PCDHGA9: variants seen among roughly 807,000 people sequenced by gnomAD.
PCDHGA9 encodes the protein protocadherin gamma-A9.
In PCDHGA9, 37 loss-of-function variants were observed where a neutral mutation model predicts 62.5. The ratio of observed to expected loss-of-function variants is 0.59; its 90% CI spans 0.46 to 0.78. The LOEUF is 0.78. PCDHGA9 is among the 30% of genes least tolerant of loss of function. The pLI is 0.00. For synonymous variants in PCDHGA9, 459 were observed against 484.6 expected, an observed-to-expected ratio of 0.95 and a Z score of 0.69; for missense variants, 1,138 against 1,166.2, an observed-to-expected ratio of 0.98 and a Z score of 0.35.
Position 141,432,248 on chromosome 5 carries a change from C to T in PCDHGA9, c.2424+26872C>T. Reference sequence around the variant, plus strand: ...TTATTCCCTGGCTGAGAACACCATCCAAGGGGCAAGCCTATCGTCCTACGT... The same window carrying T: ...TTATTCCCTGGCTGAGAACACCATCTAAGGGGCAAGCCTATCGTCCTACGT... On this transcript the variant is annotated intron_variant, in intron 1 of 3. Transcript: ENST00000573521. This position sits in a 1 kb window ranked among gnomAD's most constrained non-coding sequence, Gnocchi z 6.0. 1.2e-6 allele frequency: 2 copies of T among 1,614,244 alleles called. No individual in the cohort carries two copies. Among genetic ancestry groups the T allele is most frequent in the South Asian group, 1.1e-5 (1 of 91,090 alleles).
chr5:141,472,465 A>C (rs886879646), intron 1 of PCDHGA9, among the ~76,000 whole-genome samples: 4 of 152,032 alleles, frequency 2.6e-5, no homozygotes, highest in Non-Finnish European at 5.9e-5. Flanking sequence ...GCTTGAACCC[A>C]GAAGGCAGAG....
chr5:141,454,865 TG>T (rs2098805228), intron 1 of PCDHGA9, among the ~76,000 whole-genome samples: 1 of 135,344 alleles, frequency 7.4e-6, no homozygotes, highest in Non-Finnish European at 1.5e-5. Flanking sequence ...TGGAGTGCAG[TG>T]GCACGATCTT....
chr5:141,477,295 G>A lies in PCDHGA9; in HGVS notation c.2425-17512G>A, dbSNP rs1207558247. On this transcript the variant is annotated intron_variant, in intron 1 of 3. Transcript: ENST00000573521. This position sits in a 1 kb window ranked among gnomAD's most constrained non-coding sequence, Gnocchi z 4.9. ...GGCTGGTGACCTGCGAAGTTCCACC[G>A]GGTCTCCCTTTCAGCCTTACTTCTT... is the stretch of plus-strand genomic sequence containing the variant. The A allele has an allele frequency of 8.1e-6, 13 of 1,613,990 alleles. No homozygotes were observed. Among genetic ancestry groups the A allele is most frequent in the Admixed American group, 3.3e-5 (2 of 59,990 alleles).
At chr5:141,407,615 A>T (rs780052436) in intron 1 of PCDHGA9, among the ~76,000 whole-genome samples, 2 of 152,140 alleles carry the variant, frequency 1.3e-5, no homozygotes, top group Non-Finnish European at 2.9e-5. Context: ...GCATTGGTTG[A>T]CATTCTATAT....
intron 1 of PCDHGA9, among the ~76,000 whole-genome samples, chr5:141,459,098 A>G (rs993134478): frequency 2.0e-5 from 3 of 152,206 alleles, no homozygotes; most frequent in African/African-American, 7.2e-5. Flanking sequence ...ATACAGTGCA[A>G]TGCATTTTGA....
intron 1 of PCDHGA9, among the ~76,000 whole-genome samples, chr5:141,457,827 C>T (rs1300495115): frequency 2.0e-5 from 3 of 152,204 alleles, no homozygotes; most frequent in Admixed American, 6.5e-5. Context: ...AAACTCAGAG[C>T]TTCCAGACCT....
At chr5:141,430,557 G>C (rs1161595629) in intron 1 of PCDHGA9, 5 of 412,906 alleles carry the variant, frequency 1.2e-5, no homozygotes, top group Non-Finnish European at 1.7e-5. Context: ...TTCACCAATC[G>C]GGGAGAGAAA....
At chr5:141,461,501 T>G (rs113852528) in intron 1 of PCDHGA9, among the ~76,000 whole-genome samples, 1 of 152,310 alleles carries the variant, frequency 6.6e-6, no homozygotes, top group South Asian at 2.1e-4. Flanking sequence ...TTATTTTTCT[T>G]GGTGATTTGT....
At chr5:141,508,642 T>A (rs893357826) in intron 3 of PCDHGA9, among the ~76,000 whole-genome samples, 13 of 152,070 alleles carry the variant, frequency 8.5e-5, no homozygotes, top group Admixed American at 2.6e-4. Flanking sequence ...AGCTACTCCG[T>A]CAGGCCCTTC....
intron 1 of PCDHGA9, among the ~76,000 whole-genome samples, chr5:141,457,665 G>A (rs2098927092): frequency 6.6e-6 from 1 of 152,330 alleles, no homozygotes; most frequent in Non-Finnish European, 1.5e-5. Flanking sequence ...AGCAAGAATG[G>A]TTATTTCTAC....
chr5:141,416,478 C>T (rs1186938693), intron 1 of PCDHGA9: 4 of 151,994 alleles, frequency 2.6e-5, no homozygotes, highest in Non-Finnish European at 4.4e-5. Context: ...TACATGTTCC[C>T]GAGAACAGGA....
At chr5:141,415,302 G>A in intron 1 of PCDHGA9, 3 of 1,614,212 alleles carry the variant, frequency 1.9e-6, no homozygotes, top group South Asian at 2.2e-5. Context: ...GCGTCTTCCT[G>A]GCCTTCGTCA....
Position 141,486,429 on chromosome 5 carries a change from C to G in PCDHGA9, c.2425-8378C>G, listed in dbSNP as rs2099629385. On this transcript the variant is annotated intron_variant, in intron 1 of 3. Transcript: ENST00000573521. The surrounding 1 kb of genome is among the most constrained non-coding windows in gnomAD (Gnocchi z 5.0). ...GGACCCTTGGATCGAGAGGCCAAAT[C>G]TAGCTATGACATCATGGTCACTGCT... 1.1e-5 allele frequency: 17 copies of G among 1,614,192 alleles called. No homozygotes were observed. Among genetic ancestry groups the G allele is most frequent in the Non-Finnish European group, 1.4e-5 (17 of 1,180,008 alleles).
At chr5:141,414,460 A>G in intron 1 of PCDHGA9, 1 of 1,613,922 alleles carries the variant, frequency 6.2e-7, no homozygotes, top group Non-Finnish European at 8.5e-7. Context: ...AGTGACAGCC[A>G]CAGATGGGGG....
intron 1 of PCDHGA9, chr5:141,414,994 T>C (rs1390374290): frequency 3.7e-6 from 6 of 1,613,626 alleles, no homozygotes; most frequent in Non-Finnish European, 4.2e-6. Flanking sequence ...CCAGAACGCC[T>C]GGCTGTCCTA....
At chr5:141,423,029 A>C (rs1049470142) in intron 1 of PCDHGA9, 1 of 1,614,218 alleles carries the variant, frequency 6.2e-7, no homozygotes, top group Non-Finnish European at 8.5e-7. Context: ...GATTCAGGCC[A>C]GAACGCCTGG....
intron 1 of PCDHGA9, among the ~76,000 whole-genome samples, chr5:141,461,151 C>A (rs1424467673): frequency 6.6e-6 from 1 of 152,022 alleles, no homozygotes; most frequent in African/African-American, 2.4e-5. Context: ...TGGGTAGATA[C>A]CCAATAGTGG....
At chr5:141,478,519 G>T (rs778194073) in intron 1 of PCDHGA9, 19 of 1,610,728 alleles carry the variant, frequency 1.2e-5, no homozygotes, top group Non-Finnish European at 1.6e-5. Flanking sequence ...GGCAGGTGTT[G>T]GGTGCAGAGA....
intron 1 of PCDHGA9, among the ~76,000 whole-genome samples, chr5:141,494,568 C>T (rs2099755322): frequency 6.6e-6 from 1 of 152,138 alleles, no homozygotes; most frequent in African/African-American, 2.4e-5. Context: ...GGAAAGGAGT[C>T]TCAGCTTGCT....
Sources: allele counts gnomAD v4.1 joint callset (sites outside exome capture counted in the v4.1 genomes callset), GRCh38; gene constraint gnomAD v4.1.1; non-coding constraint Gnocchi (gnomAD v3.1); transcripts MANE v1.5; gene names NCBI Gene and HGNC (gene_info 2026-07-23, HGNC 2026-07-21).